NBPF20: variants seen among roughly 807,000 people sequenced by gnomAD.
NBPF20 encodes the protein NBPF family member NBPF20.
Under a neutral mutation model 68.1 loss-of-function variants are expected in NBPF20, and 90 were observed. That is an observed-to-expected ratio of 1.32 (90% CI 1.11 to 1.58). The LOEUF (loss-of-function observed/expected upper bound fraction) is 1.58, where lower values mean the gene tolerates loss of function less well. Ranked by LOEUF, NBPF20 falls within the 40% of genes most tolerant of loss-of-function variation. NBPF20 has a pLI of 0.00. For missense variants in NBPF20, 816 were observed against 601.2 expected, an observed-to-expected ratio of 1.36 and a Z score of -3.74; for synonymous variants, 290 against 228.1, an observed-to-expected ratio of 1.27 and a Z score of -2.45.
At chr1:145,394,745 G>A (rs1442639025) in intron 8 of NBPF20, among the ~76,000 whole-genome samples, 2 of 151,958 alleles carry the variant, frequency 1.3e-5, no homozygotes, top group Non-Finnish European at 2.9e-5. Context: ...GTGACAATCA[G>A]TCCAGGTTGG....
the NBPF20 span, among the ~76,000 whole-genome samples, chr1:145,424,673 G>C: frequency 6.6e-5 from 10 of 152,320 alleles, 1 homozygote; most frequent in South Asian, 2.1e-3. Context: ...ACTCTTCGGA[G>C]AAAGGACGCC....
At position 145,393,662 on chromosome 1, in the gene NBPF20, T is replaced by C. The variant is rs1662056223; in HGVS notation, c.1043+222A>G. 1.2e-5 allele frequency: 15 copies of C among 1,287,260 alleles called. 1 individual carries two copies. Among genetic ancestry groups the C allele is most frequent in the Middle Eastern group, 2.7e-4 (1 of 3,680 alleles). The allele number at this position is 1,287,260 out of a possible 1,614,324, so 79.7% of individuals were successfully genotyped here. On this transcript the variant is annotated intron_variant, in intron 9 of 137. Transcript: ENST00000369373. ...TGCAGTTACCATGAGAATACAGCTT[T>C]TGAGTTATGGTCAACTTTCACTAGG... is the stretch of plus-strand genomic sequence containing the variant.
chr1:145,425,094 G>A, the NBPF20 span, among the ~76,000 whole-genome samples: 1 of 152,134 alleles, frequency 6.6e-6, no homozygotes, highest in East Asian at 1.9e-4. Context: ...TCCACCCCCT[G>A]GGATGCCACA....
chr1:145,393,434 GACACACACTC>G (rs1397059207), intron 9 of NBPF20, among the ~76,000 whole-genome samples, 188 bp from the exon 15 acceptor site: 1 of 142,626 alleles, frequency 7.0e-6, no homozygotes, highest in African/African-American at 2.6e-5. Flanking sequence ...GAAAGAGAGA[GACACACACTC>G]ACACACACAC....
chr1:145,309,435 AAGAC>A (rs1208838095), intron 115 of NBPF20, among the ~76,000 whole-genome samples, 187 bp from the exon 121 acceptor site: 1 of 37,628 alleles, frequency 2.7e-5, no homozygotes, highest in East Asian at 4.4e-4. Context: ...ATGAAAGAGA[AAGAC>A]AGATAGACAC....
At chr1:145,425,398 C>G in the NBPF20 span, among the ~76,000 whole-genome samples, 25 of 149,928 alleles carry the variant, frequency 1.7e-4, no homozygotes, top group East Asian at 1.5e-3. Context: ...AACTTCCCAT[C>G]CAGACGGCAG....
exon 138 of NBPF20, chr1:145,290,304 G>A (rs587604393): frequency 6.7e-6 from 1 of 149,082 alleles, no homozygotes; most frequent in African/African-American, 2.6e-5. Flanking sequence ...CTCTAAAAGG[G>A]ACAGATCTCC....
intron 137 of NBPF20, among the ~76,000 whole-genome samples, chr1:145,292,046 G>A (rs1362484814): frequency 6.7e-6 from 1 of 149,428 alleles, no homozygotes; most frequent in Admixed American, 6.6e-5. Context: ...GGGAGTCAAA[G>A]GACACTCTGA....
rs1464506151 is a variant in NBPF20 at position 145,294,785 on chromosome 1, C to G, written c.16360G>C (p.Asp5454His). The change falls in exon 134 of 138, where the codon GAC becomes CAC. Residue 5454 changes from aspartate to histidine, a missense_variant. Coordinates refer to ENST00000369373, the Ensembl canonical transcript of NBPF20. ...ACCTTCACAGTAAGGTACTCACTGT[C>G]CACGTCAAGAGCCAAGCCAAGGTAC... is the stretch of plus-strand genomic sequence containing the variant. The G allele has an allele frequency of 2.1e-4, 48 of 233,866 alleles. 1 individual carries two copies. The African/African-American group carries it at 6.4e-3, about 31-fold the overall frequency. The allele number at this position is 233,866 out of a possible 1,614,324, so 14.5% of individuals were successfully genotyped here.
the NBPF20 span, among the ~76,000 whole-genome samples, chr1:145,425,526 A>T: frequency 6.6e-6 from 1 of 152,046 alleles, no homozygotes; most frequent in Admixed American, 6.5e-5. Flanking sequence ...TACCCCTCCC[A>T]ATATCGCCGC....
At chr1:145,402,855 G>A (rs1553665796) in intron 3 of NBPF20, among the ~76,000 whole-genome samples, 38 of 151,018 alleles carry the variant, frequency 2.5e-4, no homozygotes, top group African/African-American at 7.6e-4. Flanking sequence ...ATGAGAAGCC[G>A]CAGTCAGTCA....
the NBPF20 span, among the ~76,000 whole-genome samples, chr1:145,417,359 C>T: frequency 1.4e-5 from 2 of 145,788 alleles, no homozygotes; most frequent in Admixed American, 6.8e-5. Context: ...CATAAGAATC[C>T]TAAGAGATAA....
chr1:145,405,960 C>G (rs1164832052), upstream of NBPF20, among the ~76,000 whole-genome samples: 5 of 150,692 alleles, frequency 3.3e-5, no homozygotes, highest in African/African-American at 1.2e-4. Flanking sequence ...ACTCTGTCGC[C>G]CAGGCTGGAG....
upstream of NBPF20, chr1:145,408,214 G>C (rs587654459): frequency 1.1e-5 from 2 of 176,002 alleles, no homozygotes; most frequent in African/African-American, 2.4e-5. Flanking sequence ...CCACAGCTTT[G>C]CCTGCCTTTC....
At chr1:145,412,061 G>A in the NBPF20 span, among the ~76,000 whole-genome samples, 2 of 134,820 alleles carry the variant, frequency 1.5e-5, no homozygotes, top group Non-Finnish European at 3.2e-5. Flanking sequence ...AAAGCTGATG[G>A]GAGTTTATTT....
chr1:145,410,983 TCTC>T, the NBPF20 span, among the ~76,000 whole-genome samples: 2 of 143,886 alleles, frequency 1.4e-5, no homozygotes, highest in Non-Finnish European at 3.1e-5. Context: ...ATTTCTGGAT[TCTC>T]TCTTCTCTTC....
At position 145,393,445 on chromosome 1, in the gene NBPF20, A is replaced by C. The variant is rs1377537547; in HGVS notation, c.1044-199T>G. Among the ~76,000 whole-genome samples the C allele has an allele frequency of 3.0e-5, 4 of 132,284 alleles. No homozygotes were observed. The East Asian group carries it at 9.2e-4, about 30-fold the overall frequency. The allele number at this position is 132,284 out of a possible 152,430, so 86.8% of individuals were successfully genotyped here. ...GGATGAAAGAGAGAGACACACACTC[A>C]CACACACACACAAACACACACACAC... On this transcript the variant is annotated intron_variant, in intron 9 of 137. Transcript: ENST00000369373.
chr1:145,417,159 C>T, the NBPF20 span, among the ~76,000 whole-genome samples: 2 of 149,128 alleles, frequency 1.3e-5, no homozygotes, highest in Non-Finnish European at 3.0e-5. Context: ...AGCCCAGAAG[C>T]AGGCCTACAT....
intron 137 of NBPF20, among the ~76,000 whole-genome samples, chr1:145,292,161 C>T (rs1279325711): frequency 6.7e-6 from 1 of 149,852 alleles, no homozygotes; most frequent in Non-Finnish European, 1.5e-5. Flanking sequence ...CATGAGAGTA[C>T]AGCTTTTGAA....
Sources: gnomAD v4.1 joint callset for allele counts (sites outside exome capture counted in the v4.1 genomes callset) on GRCh38, gnomAD v4.1.1 for gene constraint, MANE v1.5 for transcripts, NCBI Gene and HGNC (gene_info 2026-07-23, HGNC 2026-07-21) for gene names.